TRIML1: variants seen among roughly 807,000 people sequenced by gnomAD.
TRIML1 encodes the protein probable E3 ubiquitin-protein ligase TRIML1.
In TRIML1, 34 loss-of-function variants were observed where a neutral mutation model predicts 32.3. The observed-to-expected ratio is 1.05, with a 90% CI of 0.80 to 1.40. The LOEUF is 1.40. Among genes scored for constraint, TRIML1 ranks in the 40% most tolerant of loss-of-function variants. TRIML1 has a pLI of 0.00. For missense variants in TRIML1, 595 were observed against 574.9 expected (o/e 1.03, Z -0.36); for synonymous variants, 244 against 226.6 (o/e 1.08, Z -0.69).
intron 5 of TRIML1, among the ~76,000 whole-genome samples, chr4:188,144,552 C>T (rs1255000810): frequency 2.1e-5 from 3 of 142,696 alleles, no homozygotes; most frequent in South Asian, 2.3e-4. Flanking sequence ...TTAGTACAGA[C>T]GGGGTTTCAC....
rs562854199 is a variant in TRIML1 at position 188,146,111 on chromosome 4, T to C, written c.857-711T>C. 7.2e-5 allele frequency among the ~76,000 whole-genome samples: 11 copies of C among 152,304 alleles called. 1 individual carries two copies. The highest frequency in any genetic ancestry group is 2.6e-4 in the African/African-American group (11 of 41,572). On this transcript the variant is annotated intron_variant, in intron 5 of 5. Transcript: ENST00000332517. ...TAATGTACAGAAAATGTTTGGCACA[T>C]TAGAAGTTCAGCCAAAGATAAGTGC...
Position 188,139,718 on chromosome 4 carries a change from C to T in TRIML1, c.160C>T (p.Pro54Ser), listed in dbSNP as rs1734773771. ...GGAACATAACACACCTTTATCTTGT[C>T]CTGAGTGCTGGAGGACCTTGGAGGG... ...WEEHNTPLSC[P>S]ECWRTLEGPH... The change falls in exon 1 of 6, where the codon CCT (proline) becomes TCT (serine). Residue 54 changes from proline to serine, a missense_variant. Pro to Ser is a moderately conservative substitution (Grantham distance 74). Transcript: ENST00000332517. The T allele has an allele frequency of 6.2e-7, 1 of 1,614,040 alleles. No homozygotes were observed. The highest frequency in any genetic ancestry group is 8.5e-7 in the Non-Finnish European group (1 of 1,179,996).
intron 1 of TRIML1, 98 bp from the exon 2 acceptor site, chr4:188,140,430 G>T (rs1289245302): frequency 3.1e-6 from 3 of 975,686 alleles, no homozygotes; most frequent in Non-Finnish European, 4.8e-6. Context: ...CCTGCCCTTT[G>T]TTTTAGAGGC....
Position 188,139,672 on chromosome 4 carries a change from G to A in TRIML1, c.114G>A (p.Val38=). The A allele has an allele frequency of 1.9e-6, 3 of 1,614,122 alleles. No homozygotes were observed. The highest frequency in any genetic ancestry group is 2.5e-6 in the Non-Finnish European group (3 of 1,180,034). ...TTECGHSFCL[V]CLLRSWEEHN... is the part of the protein sequence containing the mutation. ...AGTGTGGGCACAGCTTTTGTCTGGT[G>A]TGTCTCCTCAGGAGCTGGGAGGAAC... The change falls in exon 1 of 6, where the codon GTG becomes GTA. Residue 38 remains valine, a synonymous_variant. Transcript: ENST00000332517.
chr4:188,143,649 C>T (rs1734946925), intron 3 of TRIML1, 189 bp from the exon 4 acceptor site: 1 of 693,756 alleles, frequency 1.4e-6, no homozygotes, highest in Admixed American at 2.3e-5. Context: ...GTGAGAAACA[C>T]CTTGTGTTCA....
chr4:188,138,887 C>G (rs1023015309), upstream of TRIML1, among the ~76,000 whole-genome samples: 1 of 152,104 alleles, frequency 6.6e-6, no homozygotes, highest in South Asian at 2.1e-4. Context: ...GGCAATTCAT[C>G]GTGCGCCTAA....
chr4:188,145,307 T>C (rs1735027126), intron 5 of TRIML1, among the ~76,000 whole-genome samples: 1 of 151,366 alleles, frequency 6.6e-6, no homozygotes, highest in African/African-American at 2.4e-5. Context: ...CTGGGAGTGA[T>C]GGTGGGCACC....
upstream of TRIML1, among the ~76,000 whole-genome samples, chr4:188,137,639 G>A (rs572649213): frequency 8.7e-4 from 132 of 151,776 alleles, no homozygotes; most frequent in African/African-American, 3.0e-3. Flanking sequence ...CACCATGCCC[G>A]GCTAATTTTG....
intron 1 of TRIML1, 76 bp from the exon 2 acceptor site, chr4:188,140,452 C>G: frequency 1.7e-6 from 2 of 1,167,680 alleles, no homozygotes; most frequent in Middle Eastern, 2.0e-4. Flanking sequence ...TAGGACTGCG[C>G]AGTTACTGGT....
chr4:188,144,765 T>C (rs1735008299), intron 5 of TRIML1, among the ~76,000 whole-genome samples: 1 of 152,138 alleles, frequency 6.6e-6, no homozygotes. Context: ...TTTCTAGCTC[T>C]GATCCCGTTA....
intron 1 of TRIML1, 103 bp from the exon 2 acceptor site, chr4:188,140,425 C>T: frequency 2.2e-6 from 2 of 902,622 alleles, no homozygotes; most frequent in East Asian, 2.5e-5. Context: ...CCCAGCCTGC[C>T]CTTTGTTTTA....
chr4:188,148,042 G>C (rs1172545099), downstream of TRIML1, among the ~76,000 whole-genome samples: 1 of 152,196 alleles, frequency 6.6e-6, no homozygotes, highest in Admixed American at 6.5e-5. Context: ...AAAGGTGACA[G>C]AGCAAAGTGT....
intron 5 of TRIML1, among the ~76,000 whole-genome samples, chr4:188,145,291 A>G (rs962138414): frequency 9.3e-5 from 14 of 150,156 alleles, no homozygotes; most frequent in Non-Finnish European, 1.5e-4. Context: ...TACAAAAAAA[A>G]ATTAGCTGGG....
intron 4 of TRIML1, 83 bp downstream of exon 4, chr4:188,143,943 G>T: frequency 1.2e-6 from 2 of 1,608,896 alleles, no homozygotes. Context: ...TAGGAGGTCT[G>T]CGCTGTTGCT....
upstream of TRIML1, among the ~76,000 whole-genome samples, chr4:188,137,814 T>C (rs36171023): frequency 0.26 from 40,167 of 151,798 alleles, 6,303 homozygotes; most frequent in Non-Finnish European, 0.35. Flanking sequence ...AGTTTCACCA[T>C]GTTGGCCAGG....
At position 188,144,136 on chromosome 4, in the gene TRIML1, A is replaced by G; in HGVS notation, c.856+3A>G. On this transcript the variant is annotated splice_donor_region_variant and intron_variant, in intron 5 of 5. Transcript: ENST00000332517. ...GGAGATGCTAAGAAAATTCAGCAGTAAGTCAGCCTGATTTGTTACCCCTCC... is the reference window on the plus strand; with the variant it reads ...GGAGATGCTAAGAAAATTCAGCAGTGAGTCAGCCTGATTTGTTACCCCTCC... 6.2e-7 allele frequency: 1 copy of G among 1,613,240 alleles called. No individual in the cohort carries two copies. Among genetic ancestry groups the G allele is most frequent in the East Asian group, 2.2e-5 (1 of 44,854 alleles).
At chr4:188,144,361 G>C (rs1379835851) in intron 5 of TRIML1, among the ~76,000 whole-genome samples, 1 of 81,640 alleles carries the variant, frequency 1.2e-5, no homozygotes, top group African/African-American at 3.7e-5. Context: ...TGTCTAAAGG[G>C]TCTTTTTTTT....
downstream of TRIML1, among the ~76,000 whole-genome samples, chr4:188,149,109 C>G (rs369573122): frequency 6.6e-6 from 1 of 151,082 alleles, no homozygotes; most frequent in Non-Finnish European, 1.5e-5. Context: ...TTAGTAGAGA[C>G]GGGGTTTCAC....
rs1471832065 is a variant in TRIML1, at chr4:188,140,534, C to T, written c.415C>T (p.Leu139Phe). ...SEAEEHHREK[L>F]QEILNLLRVR... The stretch of plus-strand genomic sequence containing the variant: ...GGGTTTGTTTCTATTGCAGGAGAAA[C>T]TCCAGGAAATCCTGAATCTTTTGCG... Residue 139 changes from leucine to phenylalanine, a missense_variant, in exon 2 of 6, where the codon CTC becomes TTC. Transcript: ENST00000332517. The T allele has an allele frequency of 6.2e-7, 1 of 1,613,594 alleles. No homozygotes were observed. The highest frequency in any genetic ancestry group is 8.5e-7 in the Non-Finnish European group (1 of 1,179,724).
Sources: gnomAD v4.1 joint callset for allele counts (sites outside exome capture counted in the v4.1 genomes callset) on GRCh38, gnomAD v4.1.1 for gene constraint, MANE v1.5 for transcripts, NCBI Gene and HGNC (gene_info 2026-07-23, HGNC 2026-07-21) for gene names.